The following ANKRD11 variants were observed in gnomAD, a reference collection of about 807,000 sequenced individuals.
ANKRD11 encodes ankyrin repeat domain-containing protein 11.
Under a neutral mutation model 195.7 loss-of-function variants are expected in ANKRD11, and 17 were observed. That is an observed-to-expected ratio of 0.09 (90% CI 0.06 to 0.13). ANKRD11 has a LOEUF of 0.13. Among genes scored for constraint, ANKRD11 ranks in the 10% least tolerant of loss-of-function variants. The pLI is 1.00. For missense variants in ANKRD11, 3,735 were observed against 3,566.1 expected (o/e 1.05, Z -1.21); for synonymous variants, 1,953 against 1,528.1 (o/e 1.28, Z -6.49).
intron 1 of ANKRD11, among the ~76,000 whole-genome samples, chr16:89,449,729 G>A (rs2043980030): frequency 6.6e-6 from 1 of 152,234 alleles, no homozygotes; most frequent in African/African-American, 2.4e-5. Context: ...GGAGGTGGAG[G>A]TTGCAGTGAG....
At chr16:89,391,839 T>C (rs534627071) in intron 2 of ANKRD11, among the ~76,000 whole-genome samples, 9 of 152,214 alleles carry the variant, frequency 5.9e-5, no homozygotes, top group Non-Finnish European at 8.8e-5. Context: ...ACTGACATTC[T>C]TAAATATCTG....
chr16:89,419,424 G>A (rs1053714300), intron 1 of ANKRD11, among the ~76,000 whole-genome samples: 1 of 150,562 alleles, frequency 6.6e-6, no homozygotes, highest in Non-Finnish European at 1.5e-5. Context: ...CTGCACTCCA[G>A]CCTGGGTGAC....
intron 2 of ANKRD11, among the ~76,000 whole-genome samples, chr16:89,326,828 A>C (rs1335006297): frequency 6.6e-6 from 1 of 152,210 alleles, no homozygotes; most frequent in African/African-American, 2.4e-5. Context: ...GCATCTCCTA[A>C]GAAAGGGGCT....
rs761259443 is a variant in ANKRD11 at position 89,284,024 on chromosome 16, G to A, written c.2518C>T (p.Arg840Trp). The change falls in exon 9 of 13, where the codon CGG becomes TGG. Residue 840 changes from arginine (R) to tryptophan (W), a missense_variant. Transcript: ENST00000301030. ...KFSLSDDQRD[R>W]WFSDLSDSSF... ...GAATCGGACAAGTCAGAAAACCACC[G>A]ATCTCGCTGATCGTCAGAAAGGCTA... 1.1e-5 allele frequency: 18 copies of A among 1,614,022 alleles called. No homozygotes were observed. The highest frequency in any genetic ancestry group is 4.4e-5 in the South Asian group (4 of 91,058).
intron 3 of ANKRD11, among the ~76,000 whole-genome samples, chr16:89,316,597 G>A (rs985997060): frequency 2.6e-5 from 4 of 152,218 alleles, no homozygotes; most frequent in African/African-American, 9.7e-5. Context: ...TTGCAGTCAG[G>A]ATATCTGAAT....
chr16:89,330,622 C>T (rs931855193), intron 2 of ANKRD11, among the ~76,000 whole-genome samples: 8 of 127,012 alleles, frequency 6.3e-5, no homozygotes, highest in Admixed American at 2.0e-4. Context: ...TGAGGGTCCT[C>T]GTGACACGGC....
intron 2 of ANKRD11, among the ~76,000 whole-genome samples, chr16:89,383,050 T>C (rs915810981): frequency 2.6e-5 from 4 of 152,224 alleles, no homozygotes; most frequent in Non-Finnish European, 2.9e-5. Context: ...AATTATGCCA[T>C]GTCATATACC....
chr16:89,473,097 T>C (rs1198383264), intron 1 of ANKRD11, among the ~76,000 whole-genome samples: 1 of 151,964 alleles, frequency 6.6e-6, no homozygotes, highest in African/African-American at 2.4e-5. Flanking sequence ...ACAGCTTGGC[T>C]TGAGCCCAGG....
intron 1 of ANKRD11, among the ~76,000 whole-genome samples, chr16:89,460,650 T>C (rs1344490055): frequency 6.6e-6 from 1 of 152,034 alleles, no homozygotes; most frequent in Admixed American, 6.5e-5. Context: ...AGCAGGCGGG[T>C]TGTTTGAGCC....
At chr16:89,489,504 G>A (rs1326770475) in intron 1 of ANKRD11, among the ~76,000 whole-genome samples, 1 of 145,196 alleles carries the variant, frequency 6.9e-6, no homozygotes, top group Non-Finnish European at 1.5e-5. Flanking sequence ...GACGCCCCCA[G>A]GTCCCCAGTT....
chr16:89,428,606 C>A (rs533585039), intron 1 of ANKRD11, among the ~76,000 whole-genome samples: 3 of 151,732 alleles, frequency 2.0e-5, no homozygotes, highest in African/African-American at 7.3e-5. Context: ...AAATACACCA[C>A]TGTCATAGGC....
chr16:89,465,175 C>T (rs912123478), intron 1 of ANKRD11, among the ~76,000 whole-genome samples: 5 of 152,152 alleles, frequency 3.3e-5, no homozygotes, highest in African/African-American at 1.2e-4. Flanking sequence ...AGAGAACATG[C>T]GGCCACAAGG....
In ANKRD11 at chr16:89,277,005, G is replaced by A. The variant is rs185957327; in HGVS notation, c.7471-1814C>T. Among the ~76,000 whole-genome samples, 53 of 149,718 alleles carry A rather than the reference G, an allele frequency of 3.5e-4. 1 individual carries two copies. The East Asian group carries it at 0.01, about 28-fold the overall frequency. On this transcript the variant is annotated intron_variant, in intron 9 of 12. Transcript: ENST00000301030. Reference sequence around the variant, plus strand: ...GGGGAGGTGGAGCTTGCAGTGAGCCGACATCACGCCACTGCACTCCAGCCT... The same window carrying A: ...GGGGAGGTGGAGCTTGCAGTGAGCCAACATCACGCCACTGCACTCCAGCCT...
rs1318009428 is a variant in ANKRD11 at position 89,286,026 on chromosome 16, G to T, written c.892+13C>A. On this transcript the variant is annotated intron_variant, in intron 8 of 12. Transcript: ENST00000301030. ...GCATAAAAGAACAGGCAGCTCAGGT[G>T]GCCGTGACTTACCCGTCGAGCTCTC... is the stretch of plus-strand genomic sequence containing the variant. 6.2e-7 allele frequency: 1 copy of T among 1,614,168 alleles called. No individual in the cohort carries two copies. Among genetic ancestry groups the T allele is most frequent in the Admixed American group, 1.7e-5 (1 of 60,032 alleles).
Position 89,283,325 on chromosome 16 carries a change from C to A in ANKRD11, c.3217G>T (p.Asp1073Tyr). ...TCGAGAGACGCTTTCCTTTCTTTGT[C>A]TTTGCCATGTGTGTCTTTATGTTTT... ...KEKHKDTHGK[D>Y]KERKASLDQG... is the part of the protein sequence containing the mutation. The change falls in exon 9 of 13, where the codon GAC becomes TAC. Residue 1073 changes from aspartate to tyrosine, a missense_variant. Transcript: ENST00000301030. The surrounding 1 kb of genome is among the most constrained non-coding windows in gnomAD (Gnocchi z 4.3). 6.2e-7 allele frequency: 1 copy of A among 1,613,938 alleles called. No individual in the cohort carries two copies. Among genetic ancestry groups the A allele is most frequent in the Non-Finnish European group, 8.5e-7 (1 of 1,180,026 alleles).
chr16:89,286,806 A>G, intron 7 of ANKRD11: 1 of 1,287,264 alleles, frequency 7.8e-7, no homozygotes, highest in Non-Finnish European at 1.0e-6. Flanking sequence ...ATCACCAGCA[A>G]CCTGGATTTC....
At chr16:89,323,375 C>T (rs2037459004) in intron 2 of ANKRD11, 1 of 1,281,574 alleles carries the variant, frequency 7.8e-7, no homozygotes, top group South Asian at 1.2e-5. Flanking sequence ...CTCTCACCAT[C>T]TCAGTGGGCA....
chr16:89,270,042 C>CA (rs1374549309), intron 12 of ANKRD11: 1 of 153,096 alleles, frequency 6.5e-6, no homozygotes, highest in Non-Finnish European at 1.5e-5. Context: ...TGACTTCCTG[C>CA]ACCATCATCT....
intron 1 of ANKRD11, among the ~76,000 whole-genome samples, chr16:89,462,526 G>A (rs1443609444): frequency 2.0e-5 from 3 of 151,206 alleles, no homozygotes; most frequent in African/African-American, 2.4e-5. Context: ...CTGCCTGGCC[G>A]CCCATCATCT....
Sources: allele counts gnomAD v4.1 joint callset (sites outside exome capture counted in the v4.1 genomes callset), GRCh38; gene constraint gnomAD v4.1.1; non-coding constraint Gnocchi (gnomAD v3.1); transcripts MANE v1.5; gene names NCBI Gene and HGNC (gene_info 2026-07-23, HGNC 2026-07-21).